TESK2: variants seen among roughly 807,000 people sequenced by gnomAD.
TESK2 encodes the protein testis associated actin remodelling kinase 2, also known as dual specificity testis-specific protein kinase 2.
A neutral mutation model predicts 57.1 loss-of-function variants in TESK2; 39 were observed. That is an observed-to-expected ratio of 0.68 (90% CI 0.53 to 0.89). TESK2 has a LOEUF of 0.89. Among genes scored for constraint, TESK2 ranks in the 40% least tolerant of loss-of-function variants. The pLI, the probability that TESK2 is intolerant of heterozygous loss-of-function variation, is 0.00. For synonymous variants in TESK2, 249 were observed against 267.9 expected, an observed-to-expected ratio of 0.93 and a Z score of 0.69; for missense variants, 646 against 732.1, an observed-to-expected ratio of 0.88 and a Z score of 1.36.
intron 2 of TESK2, among the ~76,000 whole-genome samples, chr1:45,431,630 G>T (rs1335715208): frequency 1.3e-5 from 2 of 152,120 alleles, no homozygotes; most frequent in Non-Finnish European, 2.9e-5. Flanking sequence ...AACACCTCTG[G>T]TTCCCAGCTT....
intron 4 of TESK2, among the ~76,000 whole-genome samples, chr1:45,373,016 G>A (rs541427998): frequency 1.1e-4 from 13 of 120,006 alleles, no homozygotes; most frequent in African/African-American, 4.1e-4. Context: ...CAACAAGAGC[G>A]AATCTCCGTC....
At chr1:45,479,001 G>A (rs550622692) in intron 1 of TESK2, among the ~76,000 whole-genome samples, 3 of 152,226 alleles carry the variant, frequency 2.0e-5, no homozygotes, top group African/African-American at 7.2e-5. Flanking sequence ...TGGGATTACA[G>A]GGGTGAGCAA....
At chr1:45,406,850 T>C (rs1329378241) in intron 3 of TESK2, among the ~76,000 whole-genome samples, 3 of 152,172 alleles carry the variant, frequency 2.0e-5, no homozygotes, top group Non-Finnish European at 2.9e-5. Context: ...CCACACCACA[T>C]TGAATCACCT....
chr1:45,389,498 C>T (rs570550573), intron 3 of TESK2, among the ~76,000 whole-genome samples: 1 of 152,186 alleles, frequency 6.6e-6, no homozygotes, highest in Non-Finnish European at 1.5e-5. Flanking sequence ...CGGGACTCTG[C>T]AGAGAGTCCC....
chr1:45,346,616 CCT>C (rs1349506970), intron 9 of TESK2, 75 bp downstream of exon 9: 12 of 1,249,118 alleles, frequency 9.6e-6, no homozygotes, highest in African/African-American at 4.4e-5. Context: ...TAATTAGCAG[CCT>C]CTCTGTACAG....
rs1472470138 is a variant in TESK2, at chr1:45,345,396, T to C, written c.1160A>G (p.Tyr387Cys). 6.2e-7 allele frequency: 1 copy of C among 1,613,982 alleles called. No individual in the cohort carries two copies. Among genetic ancestry groups the C allele is most frequent in the African/African-American group, 1.3e-5 (1 of 74,956 alleles). ...GCGGGCAGCACCATCTCGTGGCCGG[T>C]AGTATGGGTCCAAGACACTCACTGT... ...PRTVSVLDPY[Y>C]RPRDGAARTP... The change falls in exon 11 of 11, where the codon TAC becomes TGC. Residue 387 changes from tyrosine to cysteine, a missense_variant. Transcript: ENST00000372086.
chr1:45,474,619 C>T (rs780119813), intron 1 of TESK2, among the ~76,000 whole-genome samples: 32 of 151,694 alleles, frequency 2.1e-4, no homozygotes, highest in Non-Finnish European at 4.1e-4. Context: ...ATTACAGGTG[C>T]GTACCACCAC....
At chr1:45,435,315 G>T (rs1157229577) in intron 2 of TESK2, among the ~76,000 whole-genome samples, 1 of 152,020 alleles carries the variant, frequency 6.6e-6, no homozygotes, top group African/African-American at 2.4e-5. Context: ...TGTTTGCAGA[G>T]ACAGGGTTTC....
At chr1:45,485,094 A>C (rs1653405588) in intron 1 of TESK2, among the ~76,000 whole-genome samples, 1 of 152,138 alleles carries the variant, frequency 6.6e-6, no homozygotes, top group African/African-American at 2.4e-5. Context: ...GTCTAAAAGA[A>C]TATAAAGAGA....
At chr1:45,385,710 G>GTGTATATATATATATATATATATATATA (rs947905047) in intron 4 of TESK2, among the ~76,000 whole-genome samples, 3 of 135,286 alleles carry the variant, frequency 2.2e-5, no homozygotes, top group African/African-American at 8.9e-5. Flanking sequence ...GTGTGTGTGT[G>GTGTATATATATATATATATATATATATA]TATATATATA....
At chr1:45,442,440 T>A (rs1205034786) in intron 2 of TESK2, among the ~76,000 whole-genome samples, 1 of 152,198 alleles carries the variant, frequency 6.6e-6, no homozygotes, top group Non-Finnish European at 1.5e-5. Context: ...ATCATTTTCT[T>A]ACAAGATTTC....
chr1:45,364,161 C>T (rs1647809382), intron 4 of TESK2, among the ~76,000 whole-genome samples: 1 of 152,014 alleles, frequency 6.6e-6, no homozygotes, highest in Admixed American at 6.6e-5. Context: ...TGAATTACAT[C>T]CCCCCAAAAG....
intron 5 of TESK2, among the ~76,000 whole-genome samples, chr1:45,349,444 G>A (rs1647202551): frequency 6.6e-6 from 1 of 152,176 alleles, no homozygotes. Flanking sequence ...AGGCCAGCCT[G>A]CCTATTAGCC....
intron 2 of TESK2, among the ~76,000 whole-genome samples, chr1:45,423,097 C>T (rs537771731): frequency 1.9e-3 from 282 of 152,230 alleles, no homozygotes; most frequent in Non-Finnish European, 2.9e-3. Flanking sequence ...AAGCTGATTC[C>T]TCATGGCTGA....
At chr1:45,458,166 A>G (rs1338181517) in intron 1 of TESK2, among the ~76,000 whole-genome samples, 1 of 152,216 alleles carries the variant, frequency 6.6e-6, no homozygotes, top group African/African-American at 2.4e-5. Flanking sequence ...ACATAGTATA[A>G]GAGCTTGACA....
intron 2 of TESK2, among the ~76,000 whole-genome samples, chr1:45,449,576 A>T (rs566993073): frequency 5.0e-4 from 76 of 152,302 alleles, no homozygotes; most frequent in African/African-American, 1.8e-3. Flanking sequence ...TTAATTAATT[A>T]ATTTCATGCT....
In TESK2 at chr1:45,475,256, G is replaced by C. The variant is rs578073167; in HGVS notation, c.-87+15596C>G. Among the ~76,000 whole-genome samples, 3 of 142,824 alleles carry C rather than the reference G, an allele frequency of 2.1e-5. No individual in the cohort carries two copies. In the South Asian group the frequency reaches 6.8e-4, roughly 32 times the overall value. 93.7% of individuals were successfully genotyped at this position (142,824 alleles called of 152,430 possible). A position where few individuals can be genotyped will look rare whatever the true frequency, so the allele number is the denominator to read the frequency against. On this transcript the variant is annotated intron_variant, in intron 1 of 10. Transcript: ENST00000372086. The stretch of plus-strand genomic sequence containing the variant: ...GAGTCTCGTTCTGTTGCCCAGGATG[G>C]AGTGCAGTGACGCGATCTTGGTTCA...
chr1:45,453,154 C>T (rs1377622055), intron 2 of TESK2, among the ~76,000 whole-genome samples: 1 of 151,728 alleles, frequency 6.6e-6, no homozygotes, highest in Admixed American at 6.6e-5. Context: ...CAACACCAGC[C>T]TTAACATGGT....
chr1:45,346,913 A>C, intron 8 of TESK2, 66 bp downstream of exon 8: 1 of 1,581,182 alleles, frequency 6.3e-7, no homozygotes, highest in Non-Finnish European at 8.7e-7. Context: ...CATCCCAGGG[A>C]CAGAACAGTT....
Sources: allele counts gnomAD v4.1 joint callset (sites outside exome capture counted in the v4.1 genomes callset), GRCh38; gene constraint gnomAD v4.1.1; transcripts MANE v1.5; gene names NCBI Gene and HGNC (gene_info 2026-07-23, HGNC 2026-07-21).